UBE2D2: variants seen among roughly 807,000 people sequenced by gnomAD.
The protein encoded by UBE2D2 is ubiquitin conjugating enzyme E2 D2.
In UBE2D2, 2 loss-of-function variants were observed where a neutral mutation model predicts 24.2. The ratio of observed to expected loss-of-function variants is 0.08; its 90% CI spans 0.03 to 0.26. The LOEUF (loss-of-function observed/expected upper bound fraction) is 0.26, where lower values mean the gene tolerates loss of function less well. Ranked by LOEUF, UBE2D2 falls within the 10% of genes least tolerant of loss-of-function variation. The pLI, the probability that UBE2D2 is intolerant of heterozygous loss-of-function variation, is 1.00. For synonymous variants in UBE2D2, 58 were observed against 56.5 expected (o/e 1.03, Z -0.12); for missense variants, 44 against 177.6 (o/e 0.25, Z 4.28).
At chr5:139,617,290 A>G (rs1754438672) in intron 5 of UBE2D2, among the ~76,000 whole-genome samples, 1 of 152,138 alleles carries the variant, frequency 6.6e-6, no homozygotes, top group Non-Finnish European at 1.5e-5. Flanking sequence ...AACAAGAGTT[A>G]CATATAAAAG....
intron 1 of UBE2D2, among the ~76,000 whole-genome samples, chr5:139,587,275 T>A (rs1753749354): frequency 6.6e-6 from 1 of 152,028 alleles, no homozygotes; most frequent in Non-Finnish European, 1.5e-5. Flanking sequence ...CCTCACTGGA[T>A]CAGGAGCACA....
At chr5:139,572,569 T>C (rs1231159593) in intron 1 of UBE2D2, among the ~76,000 whole-genome samples, 1 of 151,948 alleles carries the variant, frequency 6.6e-6, no homozygotes, top group Non-Finnish European at 1.5e-5. Flanking sequence ...GCACTCCAGC[T>C]TGGGCCACAG....
chr5:139,568,138 G>A (rs924454486), intron 1 of UBE2D2, among the ~76,000 whole-genome samples: 12 of 151,996 alleles, frequency 7.9e-5, no homozygotes, highest in Non-Finnish European at 1.3e-4. Context: ...GAGGTCAGGA[G>A]TTCGAGACCA....
At chr5:139,580,306 AC>A (rs1753569386) in intron 1 of UBE2D2, among the ~76,000 whole-genome samples, 1 of 151,878 alleles carries the variant, frequency 6.6e-6, no homozygotes, top group Admixed American at 6.6e-5. Flanking sequence ...CTCAAGTGTT[AC>A]GCCCACCTCA....
intron 2 of UBE2D2, chr5:139,611,892 C>T (rs1581529071): frequency 6.6e-6 from 1 of 152,198 alleles, no homozygotes; most frequent in Middle Eastern, 3.4e-3. Context: ...TATGTAGTTA[C>T]CTTTTGACCC....
intron 1 of UBE2D2, among the ~76,000 whole-genome samples, chr5:139,544,600 A>G (rs1752800516): frequency 6.6e-6 from 1 of 151,010 alleles, no homozygotes; most frequent in African/African-American, 2.4e-5. Context: ...AAGCTACTGC[A>G]TTCTAACCAC....
At chr5:139,567,282 T>C (rs975359369) in intron 1 of UBE2D2, among the ~76,000 whole-genome samples, 2 of 152,064 alleles carry the variant, frequency 1.3e-5, no homozygotes, top group African/African-American at 4.8e-5. Flanking sequence ...GTATTTTTGG[T>C]AGAGACGGGG....
At chr5:139,526,525 G>A (rs1403426088) in exon 1 of UBE2D2, 1 of 152,306 alleles carries the variant, frequency 6.6e-6, no homozygotes, top group East Asian at 1.9e-4. Context: ...CGCCAGAGCA[G>A]CGTGTAGCAG....
intron 1 of UBE2D2, among the ~76,000 whole-genome samples, chr5:139,584,931 G>A (rs1458617822): frequency 4.8e-5 from 7 of 145,296 alleles, no homozygotes; most frequent in African/African-American, 7.7e-5. Context: ...ACACAGGTTC[G>A]CTCTTGTTGC....
chr5:139,605,661 G>A (rs1353393077), intron 2 of UBE2D2, among the ~76,000 whole-genome samples: 1 of 148,488 alleles, frequency 6.7e-6, no homozygotes, highest in Non-Finnish European at 1.5e-5. Context: ...CCATATATCT[G>A]TTTCCTTCTC....
At chr5:139,584,871 T>C (rs1753692395) in intron 1 of UBE2D2, among the ~76,000 whole-genome samples, 1 of 149,714 alleles carries the variant, frequency 6.7e-6, no homozygotes, top group African/African-American at 2.5e-5. Flanking sequence ...AATTACATCA[T>C]AATATATTGT....
At chr5:139,527,296 C>T (rs1371007583) in intron 1 of UBE2D2, among the ~76,000 whole-genome samples, 7 of 152,144 alleles carry the variant, frequency 4.6e-5, no homozygotes, top group Non-Finnish European at 8.8e-5. Flanking sequence ...TTCCCCCTCT[C>T]CCCACAGTAG....
At chr5:139,616,961 G>T (rs1485775990) in intron 5 of UBE2D2, among the ~76,000 whole-genome samples, 1 of 152,098 alleles carries the variant, frequency 6.6e-6, no homozygotes, top group African/African-American at 2.4e-5. Flanking sequence ...ATGGGCAGAT[G>T]ACTTGAGACC....
At chr5:139,625,136 C>T (rs1754588449) in intron 6 of UBE2D2, among the ~76,000 whole-genome samples, 2 of 141,610 alleles carry the variant, frequency 1.4e-5, no homozygotes, top group Admixed American at 7.1e-5. Flanking sequence ...TGGCTCACTG[C>T]AGTGTCAAAC....
intron 1 of UBE2D2, among the ~76,000 whole-genome samples, chr5:139,535,637 T>G (rs545577312): frequency 6.6e-6 from 1 of 152,040 alleles, no homozygotes; most frequent in Non-Finnish European, 1.5e-5. Context: ...AAAAAAAAAT[T>G]CAAAAGTTCT....
At chr5:139,593,293 C>T (rs181668978) in intron 1 of UBE2D2, among the ~76,000 whole-genome samples, 10 of 152,066 alleles carry the variant, frequency 6.6e-5, no homozygotes, top group Admixed American at 1.3e-4. Context: ...TGCACCTGGC[C>T]GATTCTCAGA....
chr5:139,572,647 C>A (rs541692091), intron 1 of UBE2D2, among the ~76,000 whole-genome samples: 151 of 137,948 alleles, frequency 1.1e-3, no homozygotes, highest in Non-Finnish European at 1.8e-3. Context: ...AATTATTATT[C>A]TTTTTTTTTT....
chr5:139,543,714 C>T (rs897016051), intron 1 of UBE2D2, among the ~76,000 whole-genome samples: 9 of 152,252 alleles, frequency 5.9e-5, no homozygotes, highest in African/African-American at 2.2e-4. Context: ...CCAATTCTTT[C>T]CTGAGAGCAG....
At chr5:139,607,793 G>T (rs1754229329) in intron 2 of UBE2D2, among the ~76,000 whole-genome samples, 1 of 152,102 alleles carries the variant, frequency 6.6e-6, no homozygotes, top group Non-Finnish European at 1.5e-5. Context: ...GATCGCTTGA[G>T]GCCAAGAGTT....
Sources: gnomAD v4.1 joint callset for allele counts (sites outside exome capture counted in the v4.1 genomes callset) on GRCh38, gnomAD v4.1.1 for gene constraint, MANE v1.5 for transcripts, NCBI Gene and HGNC (gene_info 2026-07-23, HGNC 2026-07-21) for gene names.